MEIKIN: variants seen among roughly 807,000 people sequenced by gnomAD.
The protein encoded by MEIKIN is meiosis-specific kinetochore protein.
chr5:131,828,437 T>A (rs1174236074), intron 11 of MEIKIN, among the ~76,000 whole-genome samples: 1 of 152,184 alleles, frequency 6.6e-6, no homozygotes, highest in Non-Finnish European at 1.5e-5. Context: ...GTGCTGGGAT[T>A]ACAGGCGTGA....
intron 5 of MEIKIN, among the ~76,000 whole-genome samples, chr5:131,933,070 C>T (rs188642965): frequency 7.4e-4 from 113 of 152,188 alleles, no homozygotes; most frequent in Middle Eastern, 3.4e-3. Flanking sequence ...ATTTGATCTG[C>T]CATCATTAAC....
chr5:131,905,091 G>T (rs1466962354), intron 8 of MEIKIN, among the ~76,000 whole-genome samples: 1 of 151,984 alleles, frequency 6.6e-6, no homozygotes, highest in Non-Finnish European at 1.5e-5. Flanking sequence ...TAACAAACCT[G>T]CACGTTCTGC....
intron 4 of MEIKIN, among the ~76,000 whole-genome samples, chr5:131,939,765 G>C (rs145595050): frequency 5.5e-4 from 83 of 152,258 alleles, no homozygotes; most frequent in Middle Eastern, 3.4e-3. Context: ...CAGAATACAA[G>C]CAGTTTGTAA....
intron 4 of MEIKIN, among the ~76,000 whole-genome samples, chr5:131,936,622 T>A (rs1259595417): frequency 1.3e-5 from 2 of 152,038 alleles, no homozygotes; most frequent in Non-Finnish European, 2.9e-5. Flanking sequence ...TGAGACGGAG[T>A]CTCACTCTGT....
chr5:131,938,663 T>G (rs1174041939), intron 4 of MEIKIN, among the ~76,000 whole-genome samples: 1 of 152,262 alleles, frequency 6.6e-6, no homozygotes, highest in Non-Finnish European at 1.5e-5. Flanking sequence ...CAAATTTTTT[T>G]GTTCTGAACA....
intron 8 of MEIKIN, among the ~76,000 whole-genome samples, chr5:131,905,154 A>T (rs1164767137): frequency 1.3e-5 from 2 of 152,142 alleles, no homozygotes; most frequent in African/African-American, 2.4e-5. Flanking sequence ...AAAAAACCCC[A>T]TACAATTAAA....
At chr5:131,869,723 A>T (rs756906591) in intron 9 of MEIKIN, among the ~76,000 whole-genome samples, 5 of 152,192 alleles carry the variant, frequency 3.3e-5, no homozygotes, top group Non-Finnish European at 5.9e-5. Flanking sequence ...AAACTCACAA[A>T]AGTGGCAGGG....
rs147069640 is a variant in MEIKIN, at chr5:131,943,844, G to A, written c.288+821C>T. ...AAAAAAAAATAGAACTTGGCCAGGT[G>A]TGATGGCTCAAGCCTGTAATCTCAG... On this transcript the variant is annotated intron_variant, in intron 3 of 12. Transcript: ENST00000442687. 6.8e-4 allele frequency among the ~76,000 whole-genome samples: 103 copies of A among 152,274 alleles called. 1 individual carries two copies. The East Asian group carries it at 0.02, about 29-fold the overall frequency.
chr5:131,890,132 T>G (rs959863358), intron 8 of MEIKIN, among the ~76,000 whole-genome samples: 6 of 150,468 alleles, frequency 4.0e-5, no homozygotes, highest in African/African-American at 1.5e-4. Context: ...TATTGAGGAT[T>G]TTTGCGAAGG....
chr5:131,808,841 C>A (rs1772896044), intron 12 of MEIKIN, among the ~76,000 whole-genome samples: 1 of 151,942 alleles, frequency 6.6e-6, no homozygotes, highest in Non-Finnish European at 1.5e-5. Flanking sequence ...TCTGGGAGGC[C>A]AAGGTGAGCA....
At chr5:131,907,769 G>A (rs1751267280) in intron 8 of MEIKIN, among the ~76,000 whole-genome samples, 1 of 152,020 alleles carries the variant, frequency 6.6e-6, no homozygotes, top group Admixed American at 6.6e-5. Context: ...CTACTCAGGA[G>A]GCTGAGGCAA....
chr5:131,813,340 A>G (rs1216117260), intron 12 of MEIKIN, among the ~76,000 whole-genome samples: 1 of 152,184 alleles, frequency 6.6e-6, no homozygotes, highest in Non-Finnish European at 1.5e-5. Flanking sequence ...ATTGGTGAAG[A>G]TAAGTCCTCC....
chr5:131,837,588 T>A (rs564895791), intron 11 of MEIKIN, among the ~76,000 whole-genome samples: 1 of 152,286 alleles, frequency 6.6e-6, no homozygotes, highest in South Asian at 2.1e-4. Flanking sequence ...TAGTTAGCTG[T>A]ATTCCTAGGT....
intron 8 of MEIKIN, among the ~76,000 whole-genome samples, chr5:131,891,102 T>C (rs530942029): frequency 6.3e-4 from 96 of 152,362 alleles, no homozygotes; most frequent in African/African-American, 2.3e-3. Flanking sequence ...TGATTTCTGT[T>C]CTTTTACATT....
chr5:131,820,305 C>A (rs1458596210), intron 11 of MEIKIN, among the ~76,000 whole-genome samples: 1 of 151,102 alleles, frequency 6.6e-6, no homozygotes, highest in Non-Finnish European at 1.5e-5. Flanking sequence ...AACTCCTGAC[C>A]TCAGATGATC....
intron 8 of MEIKIN, among the ~76,000 whole-genome samples, chr5:131,899,966 C>T (rs1751128596): frequency 6.6e-6 from 1 of 152,158 alleles, no homozygotes. Context: ...ATTCATTTGT[C>T]TTCAATTATT....
At chr5:131,885,084 T>C (rs1278225609) in intron 8 of MEIKIN, among the ~76,000 whole-genome samples, 2 of 152,172 alleles carry the variant, frequency 1.3e-5, no homozygotes, top group African/African-American at 4.8e-5. Flanking sequence ...ACTCTGGACC[T>C]GCCCAGGGTC....
intron 11 of MEIKIN, among the ~76,000 whole-genome samples, chr5:131,826,355 G>C (rs1048765590): frequency 6.6e-6 from 1 of 152,054 alleles, no homozygotes; most frequent in Non-Finnish European, 1.5e-5. Context: ...CAATAATGCT[G>C]ATTATTATAA....
chr5:131,885,945 G>C (rs1466237437), intron 8 of MEIKIN, among the ~76,000 whole-genome samples: 1 of 152,032 alleles, frequency 6.6e-6, no homozygotes, highest in Non-Finnish European at 1.5e-5. Flanking sequence ...AATTCTGTCT[G>C]GTAAATTTTA....
Sources: allele counts gnomAD v4.1 joint callset (sites outside exome capture counted in the v4.1 genomes callset), GRCh38; gene constraint gnomAD v4.1.1; transcripts MANE v1.5; gene names NCBI Gene and HGNC (gene_info 2026-07-23, HGNC 2026-07-21).